Variants in PPP1R12B observed in about 807,000 individuals in gnomAD.
PPP1R12B encodes the protein myosin phosphatase target subunit 2.
Under a neutral mutation model 126.1 loss-of-function variants are expected in PPP1R12B, and 76 were observed. The ratio of observed to expected loss-of-function variants is 0.60; its 90% CI spans 0.50 to 0.73. The LOEUF (loss-of-function observed/expected upper bound fraction) is 0.73. Ranked by LOEUF, PPP1R12B falls within the 30% of genes least tolerant of loss-of-function variation. The probability of loss-of-function intolerance (pLI) is 0.00; values close to 1 mark genes in which losing one functional copy is unlikely to be tolerated. For missense variants in PPP1R12B, 1,052 were observed against 1,205.1 expected (o/e 0.87, Z 1.88); for synonymous variants, 356 against 434.7 (o/e 0.82, Z 2.25).
At chr1:202,454,799 A>G (rs1228134283) in intron 13 of PPP1R12B, among the ~76,000 whole-genome samples, 1 of 152,066 alleles carries the variant, frequency 6.6e-6, no homozygotes, top group Non-Finnish European at 1.5e-5. Flanking sequence ...GTGGTGGCAC[A>G]TGCTTCCAGC....
intron 18 of PPP1R12B, among the ~76,000 whole-genome samples, chr1:202,528,647 C>T (rs1683599018): frequency 6.6e-6 from 1 of 152,158 alleles, no homozygotes; most frequent in Non-Finnish European, 1.5e-5. Context: ...CTAACATGTA[C>T]CCTGGGAATT....
intron 14 of PPP1R12B, among the ~76,000 whole-genome samples, chr1:202,492,831 A>C (rs529804512): frequency 6.6e-6 from 1 of 152,326 alleles, no homozygotes; most frequent in East Asian, 1.9e-4. Flanking sequence ...TGGAAAAAGT[A>C]CATCTATAAC....
intron 18 of PPP1R12B, among the ~76,000 whole-genome samples, chr1:202,545,697 A>G (rs890687793): frequency 6.6e-6 from 1 of 152,244 alleles, no homozygotes; most frequent in Admixed American, 6.5e-5. Flanking sequence ...ATTTTCTAAT[A>G]AAGACATAGG....
chr1:202,480,237 C>T (rs1454357326), intron 13 of PPP1R12B, among the ~76,000 whole-genome samples: 5 of 152,108 alleles, frequency 3.3e-5, no homozygotes, highest in Non-Finnish European at 7.4e-5. Context: ...AATCAAGAAA[C>T]TCAGTTGGTG....
intron 1 of PPP1R12B, among the ~76,000 whole-genome samples, chr1:202,351,050 C>T (rs966002491): frequency 5.3e-5 from 8 of 151,988 alleles, no homozygotes; most frequent in South Asian, 2.1e-4. Context: ...CAAGTATACT[C>T]GATTCTAGAC....
Position 202,452,927 on chromosome 1 carries a change from G to A in PPP1R12B, c.1850+3756G>A, listed in dbSNP as rs533076815. Among the ~76,000 whole-genome samples, 14 of 151,400 alleles carry A rather than the reference G, an allele frequency of 9.2e-5. No homozygotes were observed. The East Asian group carries it at 1.4e-3, about 15-fold the overall frequency. On this transcript the variant is annotated intron_variant, in intron 13 of 23. Transcript: ENST00000608999. ...AGCCATTTTCCCACCTCTGCCTTCC[G>A]AAATGCTAAGATTACAGGCGTGAGC... is the stretch of plus-strand genomic sequence containing the variant.
intron 18 of PPP1R12B, among the ~76,000 whole-genome samples, chr1:202,548,806 C>CTATATATA (rs1378767072): frequency 1.4e-3 from 104 of 76,400 alleles, no homozygotes; most frequent in Non-Finnish European, 1.8e-3. Flanking sequence ...CTCTCTCTCT[C>CTATATATA]TCTATATATA....
intron 12 of PPP1R12B, among the ~76,000 whole-genome samples, 183 bp downstream of exon 12, chr1:202,442,755 A>C (rs1671793283): frequency 6.6e-6 from 1 of 152,212 alleles, no homozygotes; most frequent in South Asian, 2.1e-4. Context: ...AATTGAATTA[A>C]AGTAAGCTAA....
At chr1:202,459,832 T>C (rs994377223) in intron 13 of PPP1R12B, among the ~76,000 whole-genome samples, 5 of 152,206 alleles carry the variant, frequency 3.3e-5, no homozygotes, top group Non-Finnish European at 2.9e-5. Flanking sequence ...GTCTCTATCT[T>C]TAGGGCTTTC....
intron 18 of PPP1R12B, among the ~76,000 whole-genome samples, chr1:202,505,460 A>G (rs1173552376): frequency 6.6e-6 from 1 of 152,144 alleles, no homozygotes; most frequent in Non-Finnish European, 1.5e-5. Context: ...TCTCGAGCAG[A>G]ATTTTTTAAT....
chr1:202,517,770 C>T (rs1405602676), intron 18 of PPP1R12B, among the ~76,000 whole-genome samples: 5 of 151,944 alleles, frequency 3.3e-5, no homozygotes, highest in East Asian at 1.9e-4. Context: ...GGATTACAGG[C>T]GACCACTATC....
At chr1:202,577,119 C>G (rs1558396394) in intron 23 of PPP1R12B, 3 of 152,298 alleles carry the variant, frequency 2.0e-5, no homozygotes, top group South Asian at 2.1e-4. Flanking sequence ...CAAAGCCTAA[C>G]TTCTAAAGAG....
At chr1:202,482,294 G>A (rs746863809) in intron 13 of PPP1R12B, among the ~76,000 whole-genome samples, 7 of 152,178 alleles carry the variant, frequency 4.6e-5, no homozygotes, top group African/African-American at 1.4e-4. Context: ...CTATTTTTAC[G>A]TTTTAAAGGA....
At chr1:202,526,264 G>T (rs1683338370) in intron 18 of PPP1R12B, among the ~76,000 whole-genome samples, 1 of 152,178 alleles carries the variant, frequency 6.6e-6, no homozygotes, top group African/African-American at 2.4e-5. Flanking sequence ...AGTTTTCTTA[G>T]TGAAATAGAA....
rs192963896 is a variant in PPP1R12B, at chr1:202,434,514, G to A, written c.1142-142G>A. On this transcript the variant is annotated intron_variant, in intron 8 of 23. Transcript: ENST00000608999. ...CAACAGTTGCAAGAGTTTACAAGTT[G>A]TTAGTTTATATCCAAGCATTACAGG... is the stretch of plus-strand genomic sequence containing the variant. 5.6e-6 allele frequency: 6 copies of A among 1,072,816 alleles called. No individual in the cohort carries two copies. In the African/African-American group the frequency reaches 6.6e-5, roughly 12 times the overall value. 66.5% of individuals were successfully genotyped at this position (1,072,816 alleles called of 1,614,324 possible).
At chr1:202,535,282 A>G (rs999259710) in intron 18 of PPP1R12B, among the ~76,000 whole-genome samples, 9 of 152,140 alleles carry the variant, frequency 5.9e-5, no homozygotes, top group South Asian at 2.1e-4. Context: ...TATTGCTAGC[A>G]TTGGAAATCA....
chr1:202,447,788 ATAGCTGTGTGTC>A (rs1672462466), intron 12 of PPP1R12B, among the ~76,000 whole-genome samples: 1 of 152,232 alleles, frequency 6.6e-6, no homozygotes, highest in Admixed American at 6.5e-5. Flanking sequence ...GTAATTTTTT[ATAGCTGTGTGTC>A]TAGCTAATTT....
rs559018778 is a variant in PPP1R12B at position 202,433,970 on chromosome 1, C to G, written c.1142-686C>G. Among the ~76,000 whole-genome samples the G allele has an allele frequency of 2.0e-5, 3 of 152,186 alleles. No homozygotes were observed. The East Asian group carries it at 5.8e-4, about 29-fold the overall frequency. Reference sequence around the variant, plus strand: ...ATGTTTTTTGTTGAATATATCCAGTCAGGGAATAGAAAGGTGTATACATGA... The same window carrying G: ...ATGTTTTTTGTTGAATATATCCAGTGAGGGAATAGAAAGGTGTATACATGA... On this transcript the variant is annotated intron_variant, in intron 8 of 23. Transcript: ENST00000608999.
intron 1 of PPP1R12B, among the ~76,000 whole-genome samples, chr1:202,353,360 A>G (rs1656383457): frequency 2.0e-5 from 3 of 152,112 alleles, no homozygotes; most frequent in African/African-American, 7.2e-5. Flanking sequence ...GGATTCAGAA[A>G]AATCCTGTTT....
Sources: gnomAD v4.1 joint callset for allele counts (sites outside exome capture counted in the v4.1 genomes callset) on GRCh38, gnomAD v4.1.1 for gene constraint, MANE v1.5 for transcripts, NCBI Gene and HGNC (gene_info 2026-07-23, HGNC 2026-07-21) for gene names.